The following TSHZ2 variants were observed in gnomAD, a reference collection of about 807,000 sequenced individuals.
The protein encoded by TSHZ2 is teashirt homolog 2.
TSHZ2 carries 21 observed loss-of-function variants against 74.4 expected under a neutral mutation model. The ratio of observed to expected loss-of-function variants is 0.28; its 90% confidence interval spans 0.20 to 0.41. The LOEUF (loss-of-function observed/expected upper bound fraction) is 0.41. Ranked by LOEUF, TSHZ2 falls within the 10% of genes least tolerant of loss-of-function variation. The probability of loss-of-function intolerance (pLI) is 1.00; values close to 1 mark genes in which losing one functional copy is unlikely to be tolerated. For missense variants in TSHZ2, 1,244 were observed against 1,293.5 expected, an observed-to-expected ratio of 0.96 and a Z score of 0.59; for synonymous variants, 540 against 515.3, an observed-to-expected ratio of 1.05 and a Z score of -0.65.
At chr20:53,110,167 C>A (rs754099244) in intron 1 of TSHZ2, among the ~76,000 whole-genome samples, 1 of 152,146 alleles carries the variant, frequency 6.6e-6, no homozygotes, top group South Asian at 2.1e-4. Context: ...CAAATTCTTA[C>A]AACCATCTTC....
At chr20:53,329,746 T>A (rs1038337291) in intron 2 of TSHZ2, among the ~76,000 whole-genome samples, 3 of 151,716 alleles carry the variant, frequency 2.0e-5, no homozygotes, top group Non-Finnish European at 4.4e-5. Context: ...AACAAAGAAA[T>A]CAGCTAAAAA....
chr20:53,484,405 A>G (rs1156652397), intron 2 of TSHZ2, among the ~76,000 whole-genome samples: 1 of 131,610 alleles, frequency 7.6e-6, no homozygotes, highest in Non-Finnish European at 1.6e-5. Context: ...TTTTTTTTTA[A>G]GACAGAGTCT....
At chr20:53,370,970 GC>G (rs1981447356) in intron 2 of TSHZ2, among the ~76,000 whole-genome samples, 1 of 152,194 alleles carries the variant, frequency 6.6e-6, no homozygotes, top group East Asian at 1.9e-4. Context: ...CTCTGAAGAT[GC>G]TAGGGATGAG....
chr20:53,313,975 T>G (rs931916256), intron 2 of TSHZ2, among the ~76,000 whole-genome samples: 1 of 152,152 alleles, frequency 6.6e-6, no homozygotes, highest in Non-Finnish European at 1.5e-5. Context: ...TATTCTACAT[T>G]GTTGAAGCTG....
intron 1 of TSHZ2, among the ~76,000 whole-genome samples, chr20:53,146,452 C>A (rs1987542923): frequency 6.6e-6 from 1 of 152,120 alleles, no homozygotes; most frequent in Non-Finnish European, 1.5e-5. Flanking sequence ...CACTATCTGA[C>A]AATATCAAGA....
At chr20:53,421,397 G>T in intron 2 of TSHZ2, 1 of 180,552 alleles carries the variant, frequency 5.5e-6, no homozygotes, top group Non-Finnish European at 1.2e-5. Context: ...CGGCAGTGGT[G>T]GTAAGCCCAT....
chr20:53,248,362 C>A (rs756703659), intron 1 of TSHZ2, among the ~76,000 whole-genome samples: 3 of 152,040 alleles, frequency 2.0e-5, no homozygotes, highest in Non-Finnish European at 4.4e-5. Context: ...GTGTGAGCCA[C>A]CATGCCCAGC....
intron 1 of TSHZ2, among the ~76,000 whole-genome samples, chr20:53,135,511 A>G (rs1987224100): frequency 6.6e-6 from 1 of 152,222 alleles, no homozygotes; most frequent in Non-Finnish European, 1.5e-5. Flanking sequence ...GTTCTGGTAC[A>G]TGGATGCACT....
intron 2 of TSHZ2, among the ~76,000 whole-genome samples, chr20:53,262,383 G>GATTGTTT (rs1990622065): frequency 1.3e-5 from 2 of 152,134 alleles, no homozygotes; most frequent in Non-Finnish European, 1.5e-5. Context: ...AAATGAGCAG[G>GATTGTTT]CGTTCATGAT....
intron 2 of TSHZ2, among the ~76,000 whole-genome samples, chr20:53,351,707 G>A (rs1040191523): frequency 1.3e-5 from 2 of 152,140 alleles, no homozygotes; most frequent in Non-Finnish European, 2.9e-5. Context: ...TTAAAATACA[G>A]AGATGACCAT....
intron 1 of TSHZ2, among the ~76,000 whole-genome samples, chr20:52,977,448 ACACACACACACACACACACACG>A (rs1282205153): frequency 7.0e-6 from 1 of 143,386 alleles, no homozygotes; most frequent in Non-Finnish European, 1.5e-5. Context: ...ACACACACAC[ACACACACACACACACACACACG>A]CATGGACACA....
At chr20:53,205,169 A>G (rs1244629091) in intron 1 of TSHZ2, among the ~76,000 whole-genome samples, 27 of 152,134 alleles carry the variant, frequency 1.8e-4, no homozygotes, top group Non-Finnish European at 4.0e-4. Context: ...GGATTTGTCT[A>G]CAGGTTTTCA....
intron 1 of TSHZ2, among the ~76,000 whole-genome samples, chr20:53,106,391 C>CTGTTTTT (rs1986366676): frequency 1.7e-5 from 1 of 58,938 alleles, no homozygotes; most frequent in Non-Finnish European, 2.9e-5. Flanking sequence ...CTCACACTTT[C>CTGTTTTT]TTTTTTTTTT....
intron 1 of TSHZ2, among the ~76,000 whole-genome samples, chr20:53,104,077 G>C (rs1001758724): frequency 6.6e-6 from 1 of 152,178 alleles, no homozygotes; most frequent in African/African-American, 2.4e-5. Flanking sequence ...TCTGAAGTGG[G>C]AGGAAATGGA....
chr20:53,073,739 T>C (rs1985277285), intron 1 of TSHZ2, among the ~76,000 whole-genome samples: 1 of 152,178 alleles, frequency 6.6e-6, no homozygotes, highest in African/African-American at 2.4e-5. Flanking sequence ...CATCTTTTAT[T>C]AACTCCATTC....
At chr20:53,229,938 AAG>A (rs1337457428) in intron 1 of TSHZ2, among the ~76,000 whole-genome samples, 7 of 151,242 alleles carry the variant, frequency 4.6e-5, no homozygotes, top group Admixed American at 1.3e-4. Context: ...AGAGAAAGAA[AAG>A]AGAGGAAGGA....
At chr20:53,329,518 A>G (rs1979632924) in intron 2 of TSHZ2, among the ~76,000 whole-genome samples, 1 of 152,152 alleles carries the variant, frequency 6.6e-6, no homozygotes, top group Non-Finnish European at 1.5e-5. Flanking sequence ...TATCAATATC[A>G]GTCTGATGAC....
chr20:53,142,913 GT>G (rs945757954), intron 1 of TSHZ2, among the ~76,000 whole-genome samples: 5 of 152,104 alleles, frequency 3.3e-5, no homozygotes, highest in Non-Finnish European at 7.3e-5. Context: ...AAAATAGCGT[GT>G]TTTTTGCTTA....
intron 2 of TSHZ2, among the ~76,000 whole-genome samples, chr20:53,383,305 C>G (rs185080347): frequency 6.6e-6 from 1 of 151,994 alleles, no homozygotes; most frequent in Admixed American, 6.6e-5. Context: ...CTTTATCTAC[C>G]AGAAAGACTA....
Sources: allele counts gnomAD v4.1 joint callset (sites outside exome capture counted in the v4.1 genomes callset), GRCh38; gene constraint gnomAD v4.1.1; transcripts MANE v1.5; gene names NCBI Gene and HGNC (gene_info 2026-07-23, HGNC 2026-07-21).